Variants in WWOX observed in about 807,000 individuals in gnomAD.
The protein encoded by WWOX is WW domain containing oxidoreductase, also known as WW domain-containing oxidoreductase.
WWOX carries 69 observed loss-of-function variants against 46.2 expected under a neutral mutation model. The observed-to-expected ratio is 1.49, with a 90% confidence interval of 1.23 to 1.82. The LOEUF is 1.82. WWOX is among the 40% of genes most tolerant of loss of function. The pLI, the probability that WWOX is intolerant of heterozygous loss-of-function variation, is 0.00. For missense variants in WWOX, 919 were observed against 542.6 expected (o/e 1.69, Z -6.89); for synonymous variants, 359 against 202.6 (o/e 1.77, Z -6.56).
intron 8 of WWOX, among the ~76,000 whole-genome samples, chr16:78,450,734 CTT>C (rs1462475363): frequency 3.3e-5 from 5 of 152,068 alleles, no homozygotes; most frequent in African/African-American, 1.2e-4. Context: ...TGATTTGTCT[CTT>C]TGTTAATTCT....
chr16:79,211,056 T>TGTGTGTGTGTGC (rs760064090), intron 8 of WWOX, among the ~76,000 whole-genome samples: 6 of 150,314 alleles, frequency 4.0e-5, no homozygotes, highest in Non-Finnish European at 8.9e-5. Flanking sequence ...TGTGTGTGTG[T>TGTGTGTGTGTGC]GCATTAAATG....
intron 5 of WWOX, among the ~76,000 whole-genome samples, chr16:78,320,304 T>C (rs2080440615): frequency 6.6e-6 from 1 of 152,102 alleles, no homozygotes; most frequent in African/African-American, 2.4e-5. Flanking sequence ...TCAACAGACT[T>C]TTGTTTTTTA....
chr16:78,838,354 G>A (rs1044463702), intron 8 of WWOX, among the ~76,000 whole-genome samples: 4 of 152,106 alleles, frequency 2.6e-5, no homozygotes, highest in African/African-American at 7.2e-5. Flanking sequence ...GGCTTTAGGC[G>A]CTCCTGCATG....
intron 5 of WWOX, among the ~76,000 whole-genome samples, chr16:78,345,876 T>C (rs1295276920): frequency 8.4e-6 from 1 of 119,572 alleles, no homozygotes; most frequent in East Asian, 1.9e-4. Flanking sequence ...TGCGGTCTAA[T>C]TTATGTAAAA....
At chr16:78,666,646 T>C (rs1443743515) in intron 8 of WWOX, among the ~76,000 whole-genome samples, 1 of 152,160 alleles carries the variant, frequency 6.6e-6, no homozygotes, top group African/African-American at 2.4e-5. Flanking sequence ...GATCTGCTGA[T>C]TGGCAAGGTC....
intron 8 of WWOX, among the ~76,000 whole-genome samples, chr16:78,684,854 C>A (rs1045310200): frequency 2.0e-5 from 3 of 152,188 alleles, no homozygotes; most frequent in African/African-American, 7.2e-5. Flanking sequence ...CCAGGAAATA[C>A]ACTTGTAATT....
At chr16:78,349,499 C>T (rs1597076257) in intron 5 of WWOX, among the ~76,000 whole-genome samples, 1 of 120,554 alleles carries the variant, frequency 8.3e-6, no homozygotes, top group East Asian at 1.9e-4. Flanking sequence ...CCTTGCCCCA[C>T]CCTTTAGAAG....
intron 5 of WWOX, among the ~76,000 whole-genome samples, chr16:78,273,282 C>G (rs974397418): frequency 6.6e-6 from 1 of 152,102 alleles, no homozygotes; most frequent in Non-Finnish European, 1.5e-5. Context: ...CCTAGTTGTC[C>G]AAACTTTATC....
At chr16:78,358,171 C>G (rs564403559) in intron 5 of WWOX, among the ~76,000 whole-genome samples, 5 of 152,184 alleles carry the variant, frequency 3.3e-5, no homozygotes, top group Admixed American at 3.3e-4. Context: ...TCTCAACACA[C>G]ATTAATCAAC....
intron 8 of WWOX, among the ~76,000 whole-genome samples, chr16:78,603,344 T>C (rs7187429): frequency 0.016 from 2,513 of 152,346 alleles, 29 homozygotes; most frequent in South Asian, 0.024. Context: ...GATCTCATTC[T>C]GAGTATCAGG....
chr16:79,033,767 T>A (rs763198619), intron 8 of WWOX, among the ~76,000 whole-genome samples: 1 of 152,224 alleles, frequency 6.6e-6, no homozygotes, highest in Non-Finnish European at 1.5e-5. Flanking sequence ...CTACTTTGTC[T>A]ATGAATTCGA....
At chr16:78,637,822 C>G (rs892674078) in intron 8 of WWOX, among the ~76,000 whole-genome samples, 2 of 152,096 alleles carry the variant, frequency 1.3e-5, no homozygotes, top group Admixed American at 6.6e-5. Context: ...AGGCCAGGGC[C>G]TATTGTGTTG....
intron 5 of WWOX, among the ~76,000 whole-genome samples, chr16:78,265,132 C>G (rs560940696): frequency 1.3e-3 from 190 of 151,830 alleles, no homozygotes; most frequent in African/African-American, 4.3e-3. Flanking sequence ...TCCCAAGTTG[C>G]TGGGATTACA....
chr16:78,358,101 A>C lies in WWOX; in HGVS notation c.517-28759A>C, dbSNP rs140636366. 9.5e-4 allele frequency among the ~76,000 whole-genome samples: 145 copies of C among 152,304 alleles called. 1 individual carries two copies. The East Asian group carries it at 0.027, about 29-fold the overall frequency. ...TGGAACTAGTTCTTTGTTTTTGTAAAAGCATCATGCACTAGGTAAAATGTT... is the reference window on the plus strand; with the variant it reads ...TGGAACTAGTTCTTTGTTTTTGTAACAGCATCATGCACTAGGTAAAATGTT... On this transcript the variant is annotated intron_variant, in intron 5 of 8. Transcript: ENST00000566780.
rs536201690 is a variant in WWOX at position 78,486,028 on chromosome 16, G to C, written c.1056+53276G>C. Among the ~76,000 whole-genome samples the C allele has an allele frequency of 3.3e-5, 5 of 152,282 alleles. No homozygotes were observed. In the South Asian group the frequency reaches 1.0e-3, roughly 32 times the overall value. ...AAGAGTTTGCTAACTTTGAATCGTA[G>C]ATGTTTTATCTGAAAACAAAATTTC... On this transcript the variant is annotated intron_variant, in intron 8 of 8. Coordinates refer to ENST00000566780, the MANE Select transcript of WWOX (RefSeq NM_016373.4).
chr16:79,133,202 C>T lies in WWOX; in HGVS notation c.1057-78406C>T, dbSNP rs562014480. ...ATGTAATTAAGCGAGTGAAGTCATA[C>T]ATTTTATTGATCTAATGAAACGCAT... is the stretch of plus-strand genomic sequence containing the variant. On this transcript the variant is annotated intron_variant, in intron 8 of 8. Transcript: ENST00000566780. Among the ~76,000 whole-genome samples the T allele has an allele frequency of 5.3e-5, 8 of 152,294 alleles. No homozygotes were observed. In the East Asian group the frequency reaches 1.5e-3, roughly 29 times the overall value.
chr16:78,355,380 A>G, intron 5 of WWOX: 1 of 236,516 alleles, frequency 4.2e-6, no homozygotes, highest in Middle Eastern at 1.6e-3. Context: ...AGGCGGGCGA[A>G]TCACGAGGTC....
intron 8 of WWOX, among the ~76,000 whole-genome samples, chr16:78,751,779 A>AG (rs1337672388): frequency 6.6e-6 from 1 of 151,336 alleles, no homozygotes; most frequent in South Asian, 2.1e-4. Flanking sequence ...AGAAGGAGGG[A>AG]GGGAGGGAAA....
chr16:78,468,373 T>G (rs2084134449), intron 8 of WWOX, among the ~76,000 whole-genome samples: 1 of 151,890 alleles, frequency 6.6e-6, no homozygotes, highest in Non-Finnish European at 1.5e-5. Context: ...CCTTCTCACC[T>G]TAACCCCACG....
Sources: gnomAD v4.1 joint callset for allele counts (sites outside exome capture counted in the v4.1 genomes callset) on GRCh38, gnomAD v4.1.1 for gene constraint, MANE v1.5 for transcripts, NCBI Gene and HGNC (gene_info 2026-07-23, HGNC 2026-07-21) for gene names.